RAI2: variants seen among roughly 807,000 people sequenced by gnomAD.
The protein encoded by RAI2 is retinoic acid induced 2, also known as retinoic acid-induced protein 2.
RAI2 carries 5 observed loss-of-function variants against 15.3 expected under a neutral mutation model. The ratio of observed to expected loss-of-function variants is 0.33; its 90% confidence interval spans 0.17 to 0.69. The LOEUF is 0.69. Ranked by LOEUF, RAI2 falls within the 30% of genes least tolerant of loss-of-function variation. The pLI is 0.69. For missense variants in RAI2, 424 were observed against 424.7 expected (o/e 1.00, Z 0.01); for synonymous variants, 191 against 184.0 (o/e 1.04, Z -0.31).
chrX:17,830,498 G>T lies in RAI2; in HGVS notation c.-24-28464C>A, dbSNP rs536768379. 5.4e-3 allele frequency among the ~76,000 whole-genome samples: 569 copies of T among 104,949 alleles called. 2 individuals carry two copies. The highest frequency in any genetic ancestry group is 0.014 in the Middle Eastern group (3 of 209). 91.1% of individuals were successfully genotyped at this position (104,949 alleles called of 115,157 possible). On this transcript the variant is annotated intron_variant, in intron 1 of 1. Transcript: ENST00000451717. ...CACTCCTATGATTTGTTTTTTTTTT[G>T]TTGTTGTTTTTTTTTTTAAAGACTC...
chrX:17,860,628 T>C (rs995410291), intron 1 of RAI2: 2 of 112,332 alleles, frequency 1.8e-5, no homozygotes, highest in African/African-American at 6.5e-5. Context: ...ACAGAATCCA[T>C]CTTTCGAAGG....
At chrX:17,853,287 G>A (rs751457134) in intron 1 of RAI2, among the ~76,000 whole-genome samples, 22 of 111,714 alleles carry the variant, frequency 2.0e-4, no homozygotes, top group Non-Finnish European at 3.6e-4. Flanking sequence ...ATTAAATCAC[G>A]CACATGACCC....
intron 1 of RAI2, among the ~76,000 whole-genome samples, chrX:17,849,487 C>T (rs143851047): frequency 0.011 from 1,245 of 112,406 alleles, 16 homozygotes; most frequent in African/African-American, 0.038. Flanking sequence ...GTTCATAATA[C>T]GTATACCTAC....
chrX:17,829,277 GAAAAAA>G (rs11479454), intron 1 of RAI2, among the ~76,000 whole-genome samples: 3 of 52,247 alleles, frequency 5.7e-5, no homozygotes, highest in Non-Finnish European at 7.2e-5. Context: ...CATCTGTATG[GAAAAAA>G]AAAAAAAAAA....
chrX:17,845,068 AC>A, intron 1 of RAI2, among the ~76,000 whole-genome samples: 1 of 112,272 alleles, frequency 8.9e-6, no homozygotes. Context: ...GAAATAGACA[AC>A]CTTTTAAAAA....
chrX:17,843,442 C>T (rs2067421755), intron 1 of RAI2, among the ~76,000 whole-genome samples: 1 of 112,318 alleles, frequency 8.9e-6, no homozygotes, highest in Non-Finnish European at 1.9e-5. Context: ...ATGAATGTGC[C>T]TGGATGAACT....
intron 1 of RAI2, among the ~76,000 whole-genome samples, chrX:17,835,699 C>T (rs1282547579): frequency 1.8e-5 from 2 of 111,781 alleles, no homozygotes; most frequent in African/African-American, 3.2e-5. Flanking sequence ...CCCTAAGCCC[C>T]ACCTCCTTCC....
intron 1 of RAI2, among the ~76,000 whole-genome samples, chrX:17,803,050 TA>T (rs1439184760): frequency 2.7e-5 from 3 of 111,445 alleles, no homozygotes; most frequent in Non-Finnish European, 1.9e-5. Context: ...TTGGGCTCAA[TA>T]ATAATTCAAT....
At chrX:17,802,970 T>C (rs1201608049) in intron 1 of RAI2, among the ~76,000 whole-genome samples, 2 of 111,637 alleles carry the variant, frequency 1.8e-5, no homozygotes, top group East Asian at 2.8e-4. Context: ...CTGTCCATAT[T>C]TGGCCTCGTT....
In RAI2 at chrX:17,802,155, T is replaced by C. The variant is rs982307671; in HGVS notation, c.-24-121A>G. 1.2e-5 allele frequency: 10 copies of C among 855,993 alleles called. No individual in the cohort carries two copies. In the African/African-American group the frequency reaches 1.9e-4, roughly 16 times the overall value. The allele number at this position is 855,993 out of a possible 1,213,427, so 70.5% of individuals were successfully genotyped here. ...AGTTAACCAGGGAGCATAACCCATCTCTCTATGTATATGTTCAGGTTATAG... is the reference window on the plus strand; with the variant it reads ...AGTTAACCAGGGAGCATAACCCATCCCTCTATGTATATGTTCAGGTTATAG... On this transcript the variant is annotated intron_variant, in intron 1 of 1. Coordinates refer to ENST00000451717, the MANE Select transcript of RAI2 (RefSeq NM_021785.6).
chrX:17,836,778 G>C (rs1209204204), intron 1 of RAI2, among the ~76,000 whole-genome samples: 2 of 112,402 alleles, frequency 1.8e-5, no homozygotes, highest in Non-Finnish European at 3.8e-5. Flanking sequence ...TTGGGGAGGA[G>C]CATGGTTAAA....
intron 1 of RAI2, among the ~76,000 whole-genome samples, chrX:17,824,253 C>T (rs749091348): frequency 8.6e-4 from 97 of 112,326 alleles, no homozygotes; most frequent in Non-Finnish European, 1.4e-3. Context: ...AATGCAGGCC[C>T]TAGCTGGATT....
intron 1 of RAI2, among the ~76,000 whole-genome samples, chrX:17,833,459 T>C (rs1359687878): frequency 9.0e-6 from 1 of 111,675 alleles, no homozygotes; most frequent in Non-Finnish European, 1.9e-5. Context: ...GAGGTGAAGG[T>C]TGCAGTAAGC....
chrX:17,836,691 C>T, intron 1 of RAI2, among the ~76,000 whole-genome samples: 1 of 112,295 alleles, frequency 8.9e-6, no homozygotes, highest in Non-Finnish European at 1.9e-5. Context: ...AACCCCAAAC[C>T]AGGCGATGCA....
At chrX:17,806,934 A>G (rs2066987557) in intron 1 of RAI2, among the ~76,000 whole-genome samples, 1 of 110,522 alleles carries the variant, frequency 9.0e-6, no homozygotes, top group South Asian at 3.9e-4. Context: ...AGCAAGGGGG[A>G]AGTCCTATGG....
chrX:17,859,018 CTG>C (rs2067655038), intron 1 of RAI2, among the ~76,000 whole-genome samples: 1 of 111,416 alleles, frequency 9.0e-6, no homozygotes, highest in African/African-American at 3.3e-5. Flanking sequence ...TTGAAGGAGA[CTG>C]TGTGTATGTG....
chrX:17,829,206 A>G (rs985146299), intron 1 of RAI2, among the ~76,000 whole-genome samples: 1 of 105,965 alleles, frequency 9.4e-6, no homozygotes, highest in African/African-American at 3.5e-5. Flanking sequence ...ATTGGGCTTC[A>G]GCTAATGAAT....
rs779435944 is a variant in RAI2, at chrX:17,801,376, ACAGGGGCATAGC to A, written c.623_634del (p.Gly208_Pro211del). 43 of 1,145,015 alleles carry A rather than the reference ACAGGGGCATAGC, an allele frequency of 3.8e-5. No individual in the cohort carries two copies. Among genetic ancestry groups the A allele is most frequent in the Admixed American group, 2.8e-4 (10 of 36,325 alleles). 94.4% of individuals were successfully genotyped at this position (1,145,015 alleles called of 1,213,427 possible). A position where few individuals can be genotyped will look rare whatever the true frequency, so the allele number is the denominator to read the frequency against. On this transcript the variant is annotated inframe_deletion, in exon 2 of 2. Coordinates refer to ENST00000451717, the MANE Select transcript of RAI2 (RefSeq NM_021785.6). ...GGGGGAGCTAAAAGGCTGTGGGGGC[ACAGGGGCATAGC>A]CAGGAGGAGGCTGACAGGGTGGGGG...
At chrX:17,838,406 G>A (rs1010320202) in intron 1 of RAI2, among the ~76,000 whole-genome samples, 1 of 111,701 alleles carries the variant, frequency 9.0e-6, no homozygotes, top group Non-Finnish European at 1.9e-5. Flanking sequence ...AAATAGGACA[G>A]CTCTAGAGAA....
Sources: gnomAD v4.1 joint callset for allele counts (sites outside exome capture counted in the v4.1 genomes callset) on GRCh38, gnomAD v4.1.1 for gene constraint, MANE v1.5 for transcripts, NCBI Gene and HGNC (gene_info 2026-07-23, HGNC 2026-07-21) for gene names.